The following ABHD2 variants were observed in gnomAD, a reference collection of about 807,000 sequenced individuals.
ABHD2 encodes the protein monoacylglycerol lipase ABHD2.
A neutral mutation model predicts 48.1 loss-of-function variants in ABHD2; 20 were observed. The observed-to-expected ratio is 0.42, with a 90% CI of 0.29 to 0.60. The LOEUF (loss-of-function observed/expected upper bound fraction) is 0.60, where lower values mean the gene tolerates loss of function less well. Among genes scored for constraint, ABHD2 ranks in the 20% least tolerant of loss-of-function variants. The probability of loss-of-function intolerance (pLI) is 0.24; values close to 1 mark genes in which losing one functional copy is unlikely to be tolerated. For synonymous variants in ABHD2, 209 were observed against 214.2 expected (o/e 0.98, Z 0.21); for missense variants, 405 against 550.9 (o/e 0.74, Z 2.65).
the ABHD2 span, among the ~76,000 whole-genome samples, chr15:89,058,839 G>A: frequency 2.0e-5 from 3 of 151,372 alleles, no homozygotes; most frequent in East Asian, 1.9e-4. Context: ...GCAATCCAAC[G>A]TTGGACAGAA....
Position 89,166,244 on chromosome 15 carries a change from C to T in ABHD2, c.539-9568C>T, listed in dbSNP as rs923695248. On this transcript the variant is annotated intron_variant, in intron 5 of 10. Coordinates refer to ENST00000352732, the MANE Select transcript of ABHD2 (RefSeq NM_152924.5). The surrounding 1 kb of genome is among the most constrained non-coding windows in gnomAD (Gnocchi z 4.6). ...CATGAGCCTTCTAAGAACTTAGTAC[C>T]CATCTCCCACCAAAACACCAAGCTG... 5.3e-5 allele frequency among the ~76,000 whole-genome samples: 8 copies of T among 152,130 alleles called. No individual in the cohort carries two copies. The highest frequency in any genetic ancestry group is 1.9e-4 in the African/African-American group (8 of 41,420).
rs767002899 is a variant in ABHD2, at chr15:89,116,321, G to C, written c.-6-1G>C. On this transcript the variant is annotated splice_acceptor_variant, in intron 2 of 10. Transcript: ENST00000352732. LOFTEE classifies it low-confidence loss of function (5UTR_SPLICE). The surrounding 1 kb of genome is among the most constrained non-coding windows in gnomAD (Gnocchi z 4.6). ...CTTAGACCTGTGCCTCTGCTCCCCA[G>C]ATCAAGATGAATGCCATGCTGGAGA... 5 of 1,612,328 alleles carry C rather than the reference G, an allele frequency of 3.1e-6. No homozygotes were observed. In the African/African-American group the frequency reaches 6.7e-5, roughly 22 times the overall value.
At chr15:89,069,057 A>G in the ABHD2 span, among the ~76,000 whole-genome samples, 2 of 151,522 alleles carry the variant, frequency 1.3e-5, no homozygotes, top group African/African-American at 2.4e-5. Flanking sequence ...GCACATGGAC[A>G]GAAGATATTG....
intron 9 of ABHD2, among the ~76,000 whole-genome samples, chr15:89,192,322 A>G (rs1224559030): frequency 1.3e-5 from 2 of 152,150 alleles, no homozygotes; most frequent in Non-Finnish European, 2.9e-5. Flanking sequence ...GGATACCACA[A>G]TCATTCACTG....
At position 89,179,074 on chromosome 15, in the gene ABHD2, A is replaced by G. The variant is rs1025192610; in HGVS notation, c.722+3079A>G. Among the ~76,000 whole-genome samples, 1 of 152,274 alleles carries G rather than the reference A, an allele frequency of 6.6e-6. No individual in the cohort carries two copies. Among genetic ancestry groups the G allele is most frequent in the Non-Finnish European group, 1.5e-5 (1 of 68,050 alleles). On this transcript the variant is annotated intron_variant, in intron 6 of 10. Transcript: ENST00000352732. The surrounding 1 kb of genome is among the most constrained non-coding windows in gnomAD (Gnocchi z 4.3). The stretch of plus-strand genomic sequence containing the variant: ...TTTACAAAGCCACAAAGCAACAAAT[A>G]CATGTTACTAAGATATTACACATTT...
chr15:89,127,729 A>G (rs558553747), intron 3 of ABHD2, among the ~76,000 whole-genome samples: 3 of 144,698 alleles, frequency 2.1e-5, no homozygotes, highest in African/African-American at 7.9e-5. Flanking sequence ...ACACATATAT[A>G]TATATATATA....
At chr15:89,170,489 A>T (rs1291006875) in intron 5 of ABHD2, among the ~76,000 whole-genome samples, 1 of 126,100 alleles carries the variant, frequency 7.9e-6, no homozygotes, top group Non-Finnish European at 1.7e-5. Flanking sequence ...TGCTGCTACA[A>T]ACACCAAAAT....
the ABHD2 span, among the ~76,000 whole-genome samples, chr15:89,061,339 A>C: frequency 6.6e-6 from 1 of 151,878 alleles, no homozygotes. Context: ...AATTGCTTGA[A>C]CCCGGGAGGT....
chr15:89,133,062 CT>C (rs1310655061), intron 3 of ABHD2, among the ~76,000 whole-genome samples: 2 of 152,228 alleles, frequency 1.3e-5, no homozygotes, highest in African/African-American at 4.8e-5. Flanking sequence ...AAGGCTCACC[CT>C]GGTCAAGAAG....
At chr15:89,046,893 T>G in the ABHD2 span, among the ~76,000 whole-genome samples, 1 of 152,238 alleles carries the variant, frequency 6.6e-6, no homozygotes, top group South Asian at 2.1e-4. Flanking sequence ...TGTCTCTATT[T>G]CCTTCAGTTC....
In ABHD2 at chr15:89,164,654, A is replaced by G. The variant is rs2050811125; in HGVS notation, c.538+9120A>G. 6.6e-6 allele frequency among the ~76,000 whole-genome samples: 1 copy of G among 151,992 alleles called. No homozygotes were observed. The highest frequency in any genetic ancestry group is 2.4e-5 in the African/African-American group (1 of 41,370). On this transcript the variant is annotated intron_variant, in intron 5 of 10. Coordinates refer to ENST00000352732, the MANE Select transcript of ABHD2 (RefSeq NM_152924.5). This position sits in a 1 kb window ranked among gnomAD's most constrained non-coding sequence, Gnocchi z 5.0. Reference sequence around the variant, plus strand: ...AATGAAAAAAGCCAGGTGTGATGATACACACCTGTAATCTCAGCTACCTGG... The same window carrying G: ...AATGAAAAAAGCCAGGTGTGATGATGCACACCTGTAATCTCAGCTACCTGG...
intron 3 of ABHD2, among the ~76,000 whole-genome samples, chr15:89,122,153 A>G (rs544922215): frequency 6.6e-6 from 1 of 152,346 alleles, no homozygotes; most frequent in South Asian, 2.1e-4. Flanking sequence ...GTTCTGAGAT[A>G]CTATTCTCTA....
In ABHD2 at chr15:89,089,408, T is replaced by C. The variant is rs12593183; in HGVS notation, c.-107+845T>C. On this transcript the variant is annotated intron_variant, in intron 1 of 10. Transcript: ENST00000352732. ...CCATAATGAATTTTGAGGTTTCAGC[T>C]CTCAAGAGTGGGTGTTAGCAAAGAG... Among the ~76,000 whole-genome samples, 572 of 152,352 alleles carry C rather than the reference T, an allele frequency of 3.8e-3. 5 individuals carry two copies. In the East Asian group the frequency reaches 0.048, roughly 13 times the overall value.
intron 4 of ABHD2, among the ~76,000 whole-genome samples, chr15:89,154,484 G>A (rs1192788778): frequency 1.3e-5 from 2 of 152,140 alleles, no homozygotes; most frequent in Non-Finnish European, 2.9e-5. Context: ...ACAGTATACA[G>A]TGAAAGTATC....
Position 89,102,275 on chromosome 15 carries a change from C to T in ABHD2, c.-106-11450C>T, listed in dbSNP as rs2049712958. 1.3e-5 allele frequency: 2 copies of T among 152,320 alleles called. No homozygotes were observed. Among genetic ancestry groups the T allele is most frequent in the African/African-American group, 2.4e-5 (1 of 41,438 alleles). 9.4% of individuals were successfully genotyped at this position (152,320 alleles called of 1,614,324 possible). ...CTTCTTTCTGCCTCCTTTGTTTGAA[C>T]TCCTCTAGTATTTATAGTTGGTACT... On this transcript the variant is annotated intron_variant, in intron 1 of 10. Coordinates refer to ENST00000352732, the MANE Select transcript of ABHD2 (RefSeq NM_152924.5). This position sits in a 1 kb window ranked among gnomAD's most constrained non-coding sequence, Gnocchi z 4.8.
chr15:89,124,499 CTTTG>C (rs2050102508), intron 3 of ABHD2, among the ~76,000 whole-genome samples: 1 of 152,248 alleles, frequency 6.6e-6, no homozygotes. Flanking sequence ...ATTTCATTAT[CTTTG>C]ACTTAAATTT....
the ABHD2 span, among the ~76,000 whole-genome samples, chr15:89,057,627 G>A: frequency 6.6e-6 from 1 of 152,164 alleles, no homozygotes; most frequent in Non-Finnish European, 1.5e-5. Flanking sequence ...ATGGGCTCCT[G>A]AGAGGCAGGC....
At chr15:89,127,888 G>C (rs893796452) in intron 3 of ABHD2, among the ~76,000 whole-genome samples, 1 of 151,762 alleles carries the variant, frequency 6.6e-6, no homozygotes, top group African/African-American at 2.4e-5. Flanking sequence ...AGAATCCTCA[G>C]GCCTTCTCAA....
At chr15:89,148,084 A>G (rs1302267326) in intron 3 of ABHD2, among the ~76,000 whole-genome samples, 1 of 139,896 alleles carries the variant, frequency 7.1e-6, no homozygotes, top group Non-Finnish European at 1.5e-5. Flanking sequence ...GCTCCACTGC[A>G]CTCCAGCCTA....
Sources: allele counts gnomAD v4.1 joint callset (sites outside exome capture counted in the v4.1 genomes callset), GRCh38; gene constraint gnomAD v4.1.1; non-coding constraint Gnocchi (gnomAD v3.1); transcripts MANE v1.5; gene names NCBI Gene and HGNC (gene_info 2026-07-23, HGNC 2026-07-21).